STK4: variants seen among roughly 807,000 people sequenced by gnomAD.
The protein encoded by STK4 is serine/threonine kinase 4.
In STK4, 30 loss-of-function variants were observed where a neutral mutation model predicts 64.9. The ratio of observed to expected loss-of-function variants is 0.46; its 90% CI spans 0.35 to 0.63. STK4 has a LOEUF of 0.63. Among genes scored for constraint, STK4 ranks in the 20% least tolerant of loss-of-function variants. STK4 has a pLI of 0.01. For synonymous variants in STK4, 177 were observed against 199.0 expected, an observed-to-expected ratio of 0.89 and a Z score of 0.93; for missense variants, 466 against 598.5, an observed-to-expected ratio of 0.78 and a Z score of 2.31.
At chr20:45,039,094 T>A (rs2068572543) in intron 10 of STK4, among the ~76,000 whole-genome samples, 1 of 152,108 alleles carries the variant, frequency 6.6e-6, no homozygotes, top group Non-Finnish European at 1.5e-5. Flanking sequence ...ATACCAAAAC[T>A]CAACAAGTAG....
intron 6 of STK4, 77 bp downstream of exon 6, chr20:44,995,334 T>C (rs2067708931): frequency 6.6e-7 from 1 of 1,508,734 alleles, no homozygotes; most frequent in Non-Finnish European, 8.9e-7. Context: ...AGCCAGGTGT[T>C]GTGGCTCACA....
At chr20:45,044,536 C>T (rs369043953) in intron 10 of STK4, among the ~76,000 whole-genome samples, 2 of 152,040 alleles carry the variant, frequency 1.3e-5, no homozygotes, top group African/African-American at 4.8e-5. Flanking sequence ...TGCCTGTGGT[C>T]CCAGCTACTC....
At chr20:45,039,159 T>G (rs368539480) in intron 10 of STK4, among the ~76,000 whole-genome samples, 108 of 152,260 alleles carry the variant, frequency 7.1e-4, no homozygotes, top group African/African-American at 2.2e-3. Context: ...TCATGAAATT[T>G]TCTTACTCTG....
intron 1 of STK4, among the ~76,000 whole-genome samples, chr20:44,967,720 C>T (rs1403134846): frequency 6.6e-6 from 1 of 152,180 alleles, no homozygotes; most frequent in Non-Finnish European, 1.5e-5. Context: ...ACTGCCTGGG[C>T]AGCACTCTTA....
intron 10 of STK4, among the ~76,000 whole-genome samples, chr20:45,054,598 A>G (rs73617488): frequency 0.046 from 6,842 of 149,952 alleles, 365 homozygotes; most frequent in East Asian, 0.24. Flanking sequence ...AAAAAAGGAA[A>G]AAGTACAGAC....
intron 9 of STK4, 81 bp from the exon 10 acceptor site, chr20:45,024,892 C>T (rs369985400): frequency 2.2e-5 from 29 of 1,328,962 alleles, no homozygotes; most frequent in East Asian, 8.0e-5. Flanking sequence ...GATTGTAGCC[C>T]ATCTGGAGAT....
chr20:44,994,902 C>T (rs559194858), intron 5 of STK4, among the ~76,000 whole-genome samples, 188 bp from the exon 6 acceptor site: 1 of 151,512 alleles, frequency 6.6e-6, no homozygotes, highest in African/African-American at 2.4e-5. Flanking sequence ...TTCTTCTATG[C>T]CTGCTTGATC....
chr20:45,000,603 GT>G, intron 8 of STK4, 83 bp downstream of exon 8: 1 of 1,576,476 alleles, frequency 6.3e-7, no homozygotes, highest in Non-Finnish European at 8.6e-7. Flanking sequence ...TGAGTAGGAG[GT>G]ATTGGATCAA....
At chr20:45,065,600 T>G (rs1187296395) in intron 10 of STK4, among the ~76,000 whole-genome samples, 1 of 150,634 alleles carries the variant, frequency 6.6e-6, no homozygotes, top group African/African-American at 2.4e-5. Context: ...AATTCAGCTG[T>G]GAATCCATCT....
At chr20:44,976,074 T>C (rs1326501335) in intron 2 of STK4, among the ~76,000 whole-genome samples, 1 of 152,218 alleles carries the variant, frequency 6.6e-6, no homozygotes, top group East Asian at 1.9e-4. Context: ...ATCAGATTAT[T>C]GACATGATTA....
At chr20:45,026,876 C>G (rs1245344228) in intron 10 of STK4, among the ~76,000 whole-genome samples, 2 of 152,162 alleles carry the variant, frequency 1.3e-5, no homozygotes, top group Non-Finnish European at 1.5e-5. Flanking sequence ...CAGAATCCTT[C>G]TTAACACAGC....
chr20:44,982,162 A>G (rs1235630018), intron 4 of STK4, among the ~76,000 whole-genome samples: 1 of 134,346 alleles, frequency 7.4e-6, no homozygotes, highest in African/African-American at 2.9e-5. Flanking sequence ...CCCAGGCTGG[A>G]GTGTAGTGGC....
chr20:45,012,549 G>A (rs531576121), intron 9 of STK4, among the ~76,000 whole-genome samples: 7 of 152,026 alleles, frequency 4.6e-5, no homozygotes, highest in Non-Finnish European at 1.0e-4. Flanking sequence ...ATGTTTTAGA[G>A]CTTTTTGTTA....
At position 45,000,423 on chromosome 20, in the gene STK4, C is replaced by T; in HGVS notation, c.863C>T (p.Ser288Leu). The T allele has an allele frequency of 6.2e-7, 1 of 1,613,720 alleles. No homozygotes were observed. Among genetic ancestry groups the T allele is most frequent in the South Asian group, 1.1e-5 (1 of 91,062 alleles). ...HPFVRSAKGV[S>L]ILRDLINEAM... is the part of the protein sequence containing the mutation. ...TTTGTCAGGAGTGCCAAAGGAGTGTCAATACTGCGAGACTTAATTAATGAA... is the reference window on the plus strand; with the variant it reads ...TTTGTCAGGAGTGCCAAAGGAGTGTTAATACTGCGAGACTTAATTAATGAA... Residue 288 changes from serine to leucine, a missense_variant, in exon 8 of 11, where the codon TCA becomes TTA. Ser to Leu is a moderately radical substitution (Grantham distance 145). Coordinates refer to ENST00000372806, the MANE Select transcript of STK4 (RefSeq NM_006282.5).
intron 10 of STK4, among the ~76,000 whole-genome samples, chr20:45,072,985 C>G (rs1481625268): frequency 1.3e-5 from 2 of 152,132 alleles, no homozygotes; most frequent in Non-Finnish European, 2.9e-5. Flanking sequence ...GGTGGAGGAA[C>G]AAAATAGTAT....
Position 45,029,406 on chromosome 20 carries a change from T to G in STK4, c.1305+4276T>G, listed in dbSNP as rs1600504161. On this transcript the variant is annotated intron_variant, in intron 10 of 10. Transcript: ENST00000372806. ...CTGATATATGACATTCTACTCTATTTGTACCTTCAGAATGTTAAGATAATT... is the reference window on the plus strand; with the variant it reads ...CTGATATATGACATTCTACTCTATTGGTACCTTCAGAATGTTAAGATAATT... Among the ~76,000 whole-genome samples, 3 of 152,348 alleles carry G rather than the reference T, an allele frequency of 2.0e-5. No homozygotes were observed. The Middle Eastern group carries it at 0.01, about 518-fold the overall frequency.
chr20:45,046,616 G>A (rs2068699221), intron 10 of STK4, among the ~76,000 whole-genome samples: 1 of 150,172 alleles, frequency 6.7e-6, no homozygotes, highest in Admixed American at 6.6e-5. Context: ...CTTCTACTCT[G>A]TTATCTATTG....
At chr20:45,009,295 C>A (rs1291583670) in intron 9 of STK4, among the ~76,000 whole-genome samples, 1 of 152,130 alleles carries the variant, frequency 6.6e-6, no homozygotes, top group Admixed American at 6.5e-5. Context: ...AATAGGGTGT[C>A]CTTTACCCAT....
intron 10 of STK4, among the ~76,000 whole-genome samples, chr20:45,071,935 T>C (rs547052682): frequency 1.3e-5 from 2 of 151,984 alleles, no homozygotes; most frequent in African/African-American, 4.8e-5. Flanking sequence ...CTGGCTAATT[T>C]TTTTTCCCCC....
Sources: gnomAD v4.1 joint callset for allele counts (sites outside exome capture counted in the v4.1 genomes callset) on GRCh38, gnomAD v4.1.1 for gene constraint, MANE v1.5 for transcripts, NCBI Gene and HGNC (gene_info 2026-07-23, HGNC 2026-07-21) for gene names.